UNC79: variants seen among roughly 807,000 people sequenced by gnomAD.
UNC79 encodes the protein protein unc-79 homolog.
Under a neutral mutation model 283.1 loss-of-function variants are expected in UNC79, and 37 were observed. The observed-to-expected ratio is 0.13, with a 90% CI of 0.10 to 0.17. The LOEUF (loss-of-function observed/expected upper bound fraction) is 0.17. Among genes scored for constraint, UNC79 ranks in the 10% least tolerant of loss-of-function variants. The pLI is 1.00. For missense variants in UNC79, 2,272 were observed against 3,211.1 expected (o/e 0.71, Z 7.07); for synonymous variants, 1,107 against 1,200.2 (o/e 0.92, Z 1.61).
intron 33 of UNC79, among the ~76,000 whole-genome samples, chr14:93,642,571 AAGGTCCACAC>A (rs2069156383): frequency 6.6e-6 from 1 of 152,088 alleles, no homozygotes; most frequent in South Asian, 2.1e-4. Context: ...GCTGCCTTGG[AAGGTCCACAC>A]AGGTCATTGA....
chr14:93,542,666 C>T (rs748165173), exon 14 of UNC79: 62 of 1,614,070 alleles, frequency 3.8e-5, no homozygotes, highest in Non-Finnish European at 5.3e-5. Context: ...TGGTCATGTG[C>T]CTTCTTCCTA....
intron 1 of UNC79, among the ~76,000 whole-genome samples, chr14:93,380,431 A>C (rs1170045758): frequency 6.6e-6 from 1 of 152,080 alleles, no homozygotes; most frequent in Non-Finnish European, 1.5e-5. Flanking sequence ...CCCACATCCT[A>C]CAGGGCTACT....
intron 4 of UNC79, among the ~76,000 whole-genome samples, chr14:93,485,203 T>C (rs2058351173): frequency 8.1e-6 from 1 of 123,900 alleles, no homozygotes; most frequent in South Asian, 2.8e-4. Flanking sequence ...TATGTGTATA[T>C]ATATGTGTAT....
intron 40 of UNC79, among the ~76,000 whole-genome samples, chr14:93,668,321 C>T (rs1401656594): frequency 1.3e-5 from 2 of 152,104 alleles, no homozygotes; most frequent in Non-Finnish European, 2.9e-5. Context: ...CAAATGAATA[C>T]CCAGAAATCA....
intron 1 of UNC79, among the ~76,000 whole-genome samples, chr14:93,351,227 A>T (rs1210072880): frequency 6.6e-6 from 1 of 152,188 alleles, no homozygotes; most frequent in Non-Finnish European, 1.5e-5. Context: ...TTTCTATATT[A>T]TATTCGTAGG....
At chr14:93,463,921 G>A (rs2057054014) in intron 1 of UNC79, among the ~76,000 whole-genome samples, 3 of 152,182 alleles carry the variant, frequency 2.0e-5, no homozygotes, top group South Asian at 2.1e-4. Context: ...AGGCGGAGGC[G>A]GGCGGATCAC....
chr14:93,689,087 A>C lies in UNC79; in HGVS notation c.7085+247A>C, dbSNP rs117195101. The C allele has an allele frequency of 5.2e-3, 2,433 of 464,706 alleles. 14 individuals carry two copies. The highest frequency in any genetic ancestry group is 7.3e-3 in the Non-Finnish European group (1,961 of 267,574). 28.8% of individuals were successfully genotyped at this position (464,706 alleles called of 1,614,324 possible). On this transcript the variant is annotated intron_variant, in intron 44 of 48. Coordinates refer to ENST00000555664, the Ensembl canonical transcript of UNC79. ...TCAATTGTCCTTTCATGAAGAATGAAAATTTTGAGCTTAGAATTACCACTT... is the reference window on the plus strand; with the variant it reads ...TCAATTGTCCTTTCATGAAGAATGACAATTTTGAGCTTAGAATTACCACTT...
intron 40 of UNC79, among the ~76,000 whole-genome samples, chr14:93,667,161 A>T (rs566499891): frequency 6.6e-6 from 1 of 151,770 alleles, no homozygotes; most frequent in Admixed American, 6.6e-5. Flanking sequence ...GAAAGGAAGA[A>T]AGGAAGGAAT....
intron 1 of UNC79, among the ~76,000 whole-genome samples, chr14:93,458,387 G>A (rs1022193668): frequency 2.6e-5 from 4 of 152,226 alleles, no homozygotes; most frequent in African/African-American, 9.6e-5. Context: ...ACACATAGCT[G>A]TAGGTGGGAA....
At chr14:93,615,806 T>G (rs1224229016) in intron 27 of UNC79, among the ~76,000 whole-genome samples, 1 of 150,612 alleles carries the variant, frequency 6.6e-6, no homozygotes, top group Non-Finnish European at 1.5e-5. Flanking sequence ...AAATTAAATT[T>G]TTATATGGGG....
intron 26 of UNC79, among the ~76,000 whole-genome samples, chr14:93,608,791 C>T (rs2066077985): frequency 6.6e-6 from 1 of 152,160 alleles, no homozygotes; most frequent in Non-Finnish European, 1.5e-5. Context: ...GGGACTTTAT[C>T]AATTTTTCTC....
chr14:93,357,028 A>G (rs1232533384), intron 1 of UNC79, among the ~76,000 whole-genome samples: 2 of 152,176 alleles, frequency 1.3e-5, no homozygotes, highest in African/African-American at 2.4e-5. Flanking sequence ...AAACTGAAGT[A>G]GGCCCCAGTG....
chr14:93,463,509 G>C (rs908639137), intron 1 of UNC79, among the ~76,000 whole-genome samples: 13 of 152,158 alleles, frequency 8.5e-5, no homozygotes, highest in African/African-American at 3.1e-4. Flanking sequence ...TTGAATCCTG[G>C]TAGGAATGAT....
intron 9 of UNC79, among the ~76,000 whole-genome samples, 178 bp downstream of exon 9, chr14:93,528,824 T>C (rs1411513529): frequency 1.3e-5 from 2 of 152,224 alleles, no homozygotes; most frequent in African/African-American, 4.8e-5. Context: ...ATTACAGCTT[T>C]GAAAAGTTGC....
intron 1 of UNC79, among the ~76,000 whole-genome samples, chr14:93,367,824 G>C (rs1222602311): frequency 1.3e-5 from 2 of 152,176 alleles, no homozygotes; most frequent in African/African-American, 4.8e-5. Flanking sequence ...TTGAGAAAAA[G>C]TGACCATTTG....
At position 93,474,445 on chromosome 14, in the gene UNC79, A is replaced by G. The variant is rs2057687013; in HGVS notation, c.448+52A>G. 6.7e-7 allele frequency: 1 copy of G among 1,500,630 alleles called. No individual in the cohort carries two copies. Among genetic ancestry groups the G allele is most frequent in the Non-Finnish European group, 8.9e-7 (1 of 1,125,900 alleles). 93.0% of individuals were successfully genotyped at this position (1,500,630 alleles called of 1,614,324 possible). On this transcript the variant is annotated intron_variant, in intron 3 of 48. Coordinates refer to ENST00000555664, the Ensembl canonical transcript of UNC79. The surrounding 1 kb of genome is among the most constrained non-coding windows in gnomAD (Gnocchi z 4.1). ...AATGTACGTGGATGCTTATGAATGT[A>G]TATGATGCTGAGCAAGGGGCTTGGA...
intron 47 of UNC79, among the ~76,000 whole-genome samples, chr14:93,695,193 C>A (rs2075003945): frequency 6.6e-6 from 1 of 151,678 alleles, no homozygotes; most frequent in Non-Finnish European, 1.5e-5. Context: ...ATTTCTTTAT[C>A]TTTCACCTCT....
At chr14:93,377,190 C>T (rs145587435) in intron 1 of UNC79, among the ~76,000 whole-genome samples, 2,090 of 150,812 alleles carry the variant, frequency 0.014, 52 homozygotes, top group African/African-American at 0.048. Flanking sequence ...CCCAGGTTCA[C>T]GCCATTCTCC....
At chr14:93,596,330 A>G (rs1346822772) in intron 23 of UNC79, among the ~76,000 whole-genome samples, 2 of 152,156 alleles carry the variant, frequency 1.3e-5, no homozygotes, top group Admixed American at 1.3e-4. Flanking sequence ...GGATGGTAGA[A>G]TGTCAATAGG....
Sources: allele counts gnomAD v4.1 joint callset (sites outside exome capture counted in the v4.1 genomes callset), GRCh38; gene constraint gnomAD v4.1.1; non-coding constraint Gnocchi (gnomAD v3.1); transcripts MANE v1.5; gene names NCBI Gene and HGNC (gene_info 2026-07-23, HGNC 2026-07-21).